The following SAMD3 variants were observed in gnomAD, a reference collection of about 807,000 sequenced individuals.
The protein encoded by SAMD3 is sterile alpha motif domain containing 3.
Under a neutral mutation model 58.5 loss-of-function variants are expected in SAMD3, and 63 were observed. That is an observed-to-expected ratio of 1.08 (90% CI 0.88 to 1.33). The LOEUF is 1.33. Ranked by LOEUF, SAMD3 falls within the 40% of genes most tolerant of loss-of-function variation. The pLI is 0.00. For missense variants in SAMD3, 604 were observed against 608.4 expected (o/e 0.99, Z 0.08); for synonymous variants, 220 against 210.3 (o/e 1.05, Z -0.40).
At chr6:130,165,383 CA>C (rs1286676204) in intron 8 of SAMD3, among the ~76,000 whole-genome samples, 1 of 151,900 alleles carries the variant, frequency 6.6e-6, no homozygotes, top group Non-Finnish European at 1.5e-5. Context: ...GAAAACAAAA[CA>C]AAACAAAAAC....
intron 8 of SAMD3, among the ~76,000 whole-genome samples, chr6:130,157,072 AAAATAAATAAATAAATAAATAAATAAAT>A (rs140922244): frequency 1.8e-3 from 258 of 143,478 alleles, no homozygotes; most frequent in African/African-American, 6.4e-3. Context: ...TCCGTCTCAA[AAAATAAATAAATAAATAAATAAATAAAT>A]AAATAAATAA....
chr6:130,265,331 C>A (rs1271628702), intron 2 of SAMD3, among the ~76,000 whole-genome samples: 4 of 152,176 alleles, frequency 2.6e-5, no homozygotes, highest in African/African-American at 4.8e-5. Context: ...CTTCACCAAC[C>A]CCTGCAAAGT....
rs145268894 is a variant in SAMD3 at position 130,150,871 on chromosome 6, C to A, written c.1023+3954G>T. On this transcript the variant is annotated intron_variant, in intron 9 of 11. Coordinates refer to ENST00000439090, the MANE Select transcript of SAMD3 (RefSeq NM_001017373.4). ...GGATTACAGGTGTGTGCCACCACAC[C>A]CGGCTAATTTTTGTATTTTTAGTAG... Among the ~76,000 whole-genome samples, 1,262 of 152,090 alleles carry A rather than the reference C, an allele frequency of 8.3e-3. 12 individuals carry two copies. The highest frequency in any genetic ancestry group is 0.012 in the Non-Finnish European group (788 of 67,984).
intron 1 of SAMD3, among the ~76,000 whole-genome samples, chr6:130,355,622 T>C (rs1232973462): frequency 1.3e-5 from 2 of 152,138 alleles, no homozygotes; most frequent in Non-Finnish European, 2.9e-5. Flanking sequence ...TATCAAGAAA[T>C]ACCATTTTCA....
At chr6:130,298,523 C>T (rs1023339092) in intron 2 of SAMD3, among the ~76,000 whole-genome samples, 1 of 152,088 alleles carries the variant, frequency 6.6e-6, no homozygotes, top group Non-Finnish European at 1.5e-5. Flanking sequence ...CCTCACATAT[C>T]GATATTAACC....
At position 130,144,375 on chromosome 6, in the gene SAMD3, A is replaced by T. The variant is rs1051125111; in HGVS notation, c.*145T>A. 93 of 687,274 alleles carry T rather than the reference A, an allele frequency of 1.4e-4. No homozygotes were observed. The East Asian group carries it at 2.4e-3, about 18-fold the overall frequency. 42.6% of individuals were successfully genotyped at this position (687,274 alleles called of 1,614,324 possible). A position where few individuals can be genotyped will look rare whatever the true frequency, so the allele number is the denominator to read the frequency against. On this transcript the variant is annotated 3_prime_UTR_variant, in exon 12 of 12. Coordinates refer to ENST00000439090, the MANE Select transcript of SAMD3 (RefSeq NM_001017373.4). ...AAGAACTTAATATCTAAGTGTAAAG[A>T]TAGAAAGCATTGAAATTCATTAGCA...
At chr6:130,285,038 C>A (rs1775108691) in intron 2 of SAMD3, among the ~76,000 whole-genome samples, 1 of 152,164 alleles carries the variant, frequency 6.6e-6, no homozygotes, top group African/African-American at 2.4e-5. Context: ...GATAGCTAAA[C>A]TGAGACTGAT....
chr6:130,171,232 G>T (rs538674912), intron 8 of SAMD3, among the ~76,000 whole-genome samples: 24 of 152,174 alleles, frequency 1.6e-4, no homozygotes, highest in Non-Finnish European at 2.9e-4. Context: ...TTTATGTAAT[G>T]GATTATGTTT....
intron 1 of SAMD3, among the ~76,000 whole-genome samples, chr6:130,350,337 A>C (rs546672396): frequency 3.0e-4 from 46 of 152,162 alleles, no homozygotes; most frequent in East Asian, 7.7e-4. Flanking sequence ...CATCTCAGCC[A>C]AAAATCTCCT....
At chr6:130,336,420 G>C (rs140769978) in intron 1 of SAMD3, among the ~76,000 whole-genome samples, 15 of 152,284 alleles carry the variant, frequency 9.9e-5, no homozygotes, top group African/African-American at 3.4e-4. Context: ...GCTATCTCTG[G>C]GAAAGTTTTG....
At chr6:130,173,527 C>T (rs973944553) in intron 8 of SAMD3, among the ~76,000 whole-genome samples, 3 of 152,232 alleles carry the variant, frequency 2.0e-5, no homozygotes, top group Non-Finnish European at 4.4e-5. Context: ...CAGCAAAGAT[C>T]ACTGCCTAGT....
At chr6:130,273,283 G>T (rs1216670071) in intron 2 of SAMD3, among the ~76,000 whole-genome samples, 1 of 152,034 alleles carries the variant, frequency 6.6e-6, no homozygotes, top group Non-Finnish European at 1.5e-5. Context: ...TGTGAATAAG[G>T]TCTGTTTTGT....
intron 9 of SAMD3, among the ~76,000 whole-genome samples, chr6:130,148,114 C>A (rs1271415567): frequency 6.6e-6 from 1 of 152,160 alleles, no homozygotes; most frequent in Non-Finnish European, 1.5e-5. Flanking sequence ...CCATCAGATT[C>A]CACATCCATT....
At chr6:130,194,485 A>C (rs1225780721) in intron 5 of SAMD3, among the ~76,000 whole-genome samples, 2 of 151,922 alleles carry the variant, frequency 1.3e-5, no homozygotes. Context: ...AATAATAGAA[A>C]AAAGTTGCAA....
chr6:130,363,357 G>C (rs560976378), intron 1 of SAMD3, among the ~76,000 whole-genome samples: 2 of 152,150 alleles, frequency 1.3e-5, no homozygotes, highest in South Asian at 4.2e-4. Context: ...TCATTTCAAC[G>C]TATGTTTCCA....
chr6:130,164,808 T>C (rs1790579598), intron 8 of SAMD3, among the ~76,000 whole-genome samples: 1 of 152,050 alleles, frequency 6.6e-6, no homozygotes, highest in South Asian at 2.1e-4. Context: ...TCACATTTCA[T>C]TGGCCAGCCT....
intron 2 of SAMD3, among the ~76,000 whole-genome samples, chr6:130,260,774 C>T (rs371887160): frequency 2.0e-5 from 3 of 152,184 alleles, no homozygotes; most frequent in Admixed American, 1.3e-4. Context: ...CCCAGTGAGA[C>T]GCCTCACCAG....
In SAMD3 at chr6:130,350,494, A is replaced by T. The variant is rs555164455; in HGVS notation, c.-304+14626T>A. Among the ~76,000 whole-genome samples, 185 of 152,276 alleles carry T rather than the reference A, an allele frequency of 1.2e-3. 1 individual carries two copies. The highest frequency in any genetic ancestry group is 4.3e-3 in the African/African-American group (177 of 41,556). On this transcript the variant is annotated intron_variant, in intron 1 of 13. Transcript: ENST00000368134. ...ACAATTGCTTCAAAGAGAATAAAAT[A>T]CCTAGGAATCCAACTTACAAGGGAC...
intron 5 of SAMD3, among the ~76,000 whole-genome samples, chr6:130,200,116 T>A (rs1464725504): frequency 6.6e-6 from 1 of 151,996 alleles, no homozygotes; most frequent in African/African-American, 2.4e-5. Context: ...AAAAAAAAAC[T>A]TTTAAATCTT....
Sources: allele counts gnomAD v4.1 joint callset (sites outside exome capture counted in the v4.1 genomes callset), GRCh38; gene constraint gnomAD v4.1.1; transcripts MANE v1.5; gene names NCBI Gene and HGNC (gene_info 2026-07-23, HGNC 2026-07-21).